The following FAM185A variants were observed in gnomAD, a reference collection of about 807,000 sequenced individuals.
FAM185A encodes the protein protein FAM185A.
FAM185A carries 21 observed loss-of-function variants against 45.7 expected under a neutral mutation model. The observed-to-expected ratio is 0.46, with a 90% CI of 0.33 to 0.66. FAM185A has a LOEUF of 0.66. FAM185A is among the 30% of genes least tolerant of loss of function. The pLI, the probability that FAM185A is intolerant of heterozygous loss-of-function variation, is 0.03. For missense variants in FAM185A, 305 were observed against 485.4 expected, an observed-to-expected ratio of 0.63 and a Z score of 3.49; for synonymous variants, 117 against 194.0, an observed-to-expected ratio of 0.60 and a Z score of 3.30.
At chr7:102,805,185 T>C (rs1053633394) in intron 7 of FAM185A, among the ~76,000 whole-genome samples, 3 of 152,176 alleles carry the variant, frequency 2.0e-5, no homozygotes, top group African/African-American at 7.2e-5. Flanking sequence ...ACTGGGTATC[T>C]ACCCAGAGGA....
At chr7:102,764,803 A>G (rs1482431241) in intron 4 of FAM185A, among the ~76,000 whole-genome samples, 2 of 151,810 alleles carry the variant, frequency 1.3e-5, no homozygotes, top group African/African-American at 4.8e-5. Flanking sequence ...CAAGGCTTAA[A>G]CTAATTTTTT....
At chr7:102,832,768 T>C in the FAM185A span, 21 of 1,578,556 alleles carry the variant, frequency 1.3e-5, no homozygotes, top group Non-Finnish European at 1.5e-5. Flanking sequence ...AGTCCAGCCC[T>C]GATCGCTGTC....
At chr7:102,785,832 G>T (rs1795753343) in intron 6 of FAM185A, among the ~76,000 whole-genome samples, 2 of 151,022 alleles carry the variant, frequency 1.3e-5, no homozygotes, top group Admixed American at 6.6e-5. Context: ...TGACAAATGG[G>T]ATCTAATTAA....
At chr7:102,834,092 A>AGGAAGGAAG in the FAM185A span, among the ~76,000 whole-genome samples, 1 of 85,950 alleles carries the variant, frequency 1.2e-5, no homozygotes, top group African/African-American at 5.7e-5. Context: ...AAAGAAAAGA[A>AGGAAGGAAG]AGAAAGAAAG....
the FAM185A span, among the ~76,000 whole-genome samples, chr7:102,825,447 G>T: frequency 6.6e-6 from 1 of 152,180 alleles, no homozygotes; most frequent in Admixed American, 6.5e-5. Flanking sequence ...CAGCAAGAAG[G>T]TTCTCCACCA....
At chr7:102,812,458 A>G (rs897161662), downstream of FAM185A, among the ~76,000 whole-genome samples, 1 of 152,150 alleles carries the variant, frequency 6.6e-6, no homozygotes, top group Non-Finnish European at 1.5e-5. Flanking sequence ...TTTCTATTTA[A>G]TTTGCCCCTG....
the FAM185A span, among the ~76,000 whole-genome samples, chr7:102,836,320 A>C: frequency 6.6e-6 from 1 of 152,232 alleles, no homozygotes; most frequent in African/African-American, 2.4e-5. Context: ...TTGGCGAACT[A>C]AAGTCAGAAC....
the FAM185A span, among the ~76,000 whole-genome samples, chr7:102,830,689 A>G: frequency 1.1e-4 from 17 of 152,344 alleles, no homozygotes; most frequent in Non-Finnish European, 1.6e-4. Context: ...ACAACATAGA[A>G]GCTGAACTTC....
chr7:102,758,723 G>A (rs1250875964), intron 3 of FAM185A, among the ~76,000 whole-genome samples: 2 of 151,740 alleles, frequency 1.3e-5, no homozygotes, highest in African/African-American at 4.8e-5. Flanking sequence ...TCAGATAATT[G>A]GTGGGGAGGA....
chr7:102,819,382 T>A, the FAM185A span, among the ~76,000 whole-genome samples: 2 of 152,166 alleles, frequency 1.3e-5, no homozygotes, highest in African/African-American at 4.8e-5. Flanking sequence ...GTTGGTAGAA[T>A]GCCAGCCATA....
the FAM185A span, among the ~76,000 whole-genome samples, chr7:102,823,756 G>C: frequency 6.6e-6 from 1 of 152,162 alleles, no homozygotes; most frequent in Non-Finnish European, 1.5e-5. Context: ...TTAACATAAA[G>C]TTAAAAGAAA....
chr7:102,833,218 G>T, the FAM185A span, among the ~76,000 whole-genome samples: 23 of 152,106 alleles, frequency 1.5e-4, 1 homozygote, highest in Admixed American at 1.4e-3. Flanking sequence ...TGGTTTTCTT[G>T]AAGTTAGGTC....
intron 6 of FAM185A, among the ~76,000 whole-genome samples, chr7:102,780,702 G>A (rs1468959010): frequency 2.6e-5 from 4 of 152,144 alleles, no homozygotes; most frequent in East Asian, 1.9e-4. Flanking sequence ...TGCTGAATAC[G>A]AACAGCTCCA....
the FAM185A span, among the ~76,000 whole-genome samples, chr7:102,844,476 TAA>T: frequency 3.3e-5 from 5 of 152,010 alleles, no homozygotes; most frequent in Non-Finnish European, 7.4e-5. Flanking sequence ...GCCACAAACC[TAA>T]AGATAGAGTG....
At chr7:102,821,233 T>A in the FAM185A span, among the ~76,000 whole-genome samples, 11 of 152,056 alleles carry the variant, frequency 7.2e-5, no homozygotes, top group Non-Finnish European at 1.3e-4. Context: ...AAGGGTTGAG[T>A]CTCCAACCCT....
chr7:102,795,047 T>A (rs1235454272), intron 7 of FAM185A, among the ~76,000 whole-genome samples: 1 of 152,238 alleles, frequency 6.6e-6, no homozygotes, highest in Non-Finnish European at 1.5e-5. Flanking sequence ...GGACTTCCTT[T>A]GTAGTGACAG....
chr7:102,776,702 T>TAAAAAAAAAAAAAA (rs72022042), intron 5 of FAM185A, among the ~76,000 whole-genome samples: 30 of 97,060 alleles, frequency 3.1e-4, no homozygotes, highest in East Asian at 8.7e-4. Context: ...ACCCTGTCTC[T>TAAAAAAAAAAAAAA]AAAAAAAAAA....
At position 102,803,512 on chromosome 7, in the gene FAM185A, G is replaced by A. The variant is rs533154232; in HGVS notation, c.1067-4778G>A. 3.9e-5 allele frequency among the ~76,000 whole-genome samples: 6 copies of A among 152,088 alleles called. No individual in the cohort carries two copies. The South Asian group carries it at 8.3e-4, about 21-fold the overall frequency. On this transcript the variant is annotated intron_variant, in intron 7 of 7. Transcript: ENST00000413034. ...TATGATTAAAACTCTCAGCAAAATC[G>A]GCATACAAGGGACATACCTCAATGT...
the FAM185A span, among the ~76,000 whole-genome samples, chr7:102,839,512 G>T: frequency 6.6e-6 from 1 of 152,180 alleles, no homozygotes; most frequent in South Asian, 2.1e-4. Flanking sequence ...CTTCACAGTG[G>T]CATGATCTTG....
Sources: allele counts gnomAD v4.1 joint callset (sites outside exome capture counted in the v4.1 genomes callset), GRCh38; gene constraint gnomAD v4.1.1; transcripts MANE v1.5; gene names NCBI Gene and HGNC (gene_info 2026-07-23, HGNC 2026-07-21).